The following GALNT13 variants were observed in gnomAD, a reference collection of about 807,000 sequenced individuals.
GALNT13 encodes polypeptide N-acetylgalactosaminyltransferase 13, also known as UDP-GalNAc:polypeptide N-acetylgalactosaminyltransferase 13.
In GALNT13, 28 loss-of-function variants were observed where a neutral mutation model predicts 64.2. That is an observed-to-expected ratio of 0.44 (90% CI 0.32 to 0.60). The LOEUF (loss-of-function observed/expected upper bound fraction) is 0.60. Among genes scored for constraint, GALNT13 ranks in the 20% least tolerant of loss-of-function variants. GALNT13 has a pLI of 0.05. For synonymous variants in GALNT13, 214 were observed against 224.6 expected, an observed-to-expected ratio of 0.95 and a Z score of 0.42; for missense variants, 577 against 669.8, an observed-to-expected ratio of 0.86 and a Z score of 1.53.
chr2:154,332,515 T>TA (rs925801352), intron 9 of GALNT13, among the ~76,000 whole-genome samples: 1 of 152,110 alleles, frequency 6.6e-6, no homozygotes, highest in Non-Finnish European at 1.5e-5. Flanking sequence ...AAAATGAAAT[T>TA]AAAAAAATAA....
chr2:154,229,382 C>A (rs887244354), intron 4 of GALNT13, among the ~76,000 whole-genome samples: 2 of 151,542 alleles, frequency 1.3e-5, no homozygotes, highest in African/African-American at 4.8e-5. Flanking sequence ...TTTAAAAATT[C>A]TATGGGTGAA....
chr2:153,629,682 A>G, the GALNT13 span, among the ~76,000 whole-genome samples: 1 of 152,026 alleles, frequency 6.6e-6, no homozygotes, highest in Non-Finnish European at 1.5e-5. Flanking sequence ...CTGCACAGCA[A>G]AAGAAACTAC....
chr2:153,343,399 A>G, the GALNT13 span, among the ~76,000 whole-genome samples: 1 of 152,198 alleles, frequency 6.6e-6, no homozygotes, highest in African/African-American at 2.4e-5. Flanking sequence ...GTTTTTTAAA[A>G]TCAAGAAGAG....
At chr2:153,419,169 G>A in the GALNT13 span, among the ~76,000 whole-genome samples, 22 of 152,288 alleles carry the variant, frequency 1.4e-4, no homozygotes, top group South Asian at 4.1e-3. Flanking sequence ...CAATCATGGT[G>A]GAAGAGAAAG....
chr2:154,170,563 T>A (rs1685292715), intron 4 of GALNT13, among the ~76,000 whole-genome samples: 1 of 152,152 alleles, frequency 6.6e-6, no homozygotes, highest in Admixed American at 6.6e-5. Flanking sequence ...TACATTGTTA[T>A]CCTAATATGA....
chr2:154,176,496 C>T (rs947897285), intron 4 of GALNT13, among the ~76,000 whole-genome samples: 6 of 151,944 alleles, frequency 3.9e-5, no homozygotes, highest in Non-Finnish European at 8.8e-5. Context: ...TCACGATCTG[C>T]CTGCCTTGGC....
the GALNT13 span, among the ~76,000 whole-genome samples, chr2:153,509,833 T>G: frequency 6.6e-6 from 1 of 152,156 alleles, no homozygotes; most frequent in East Asian, 1.9e-4. Context: ...GATTATAAAG[T>G]TTTTCAAGAA....
chr2:154,024,686 C>G (rs963941756), intron 3 of GALNT13, among the ~76,000 whole-genome samples: 2 of 152,180 alleles, frequency 1.3e-5, no homozygotes, highest in African/African-American at 4.8e-5. Flanking sequence ...GCCTTCTTCT[C>G]TCAGCTTGTC....
At chr2:153,783,371 A>G in the GALNT13 span, among the ~76,000 whole-genome samples, 1 of 152,026 alleles carries the variant, frequency 6.6e-6, no homozygotes, top group African/African-American at 2.4e-5. Flanking sequence ...ACAAAATAAA[A>G]GAATCATCTA....
At chr2:153,124,882 T>C in the GALNT13 span, among the ~76,000 whole-genome samples, 3 of 152,188 alleles carry the variant, frequency 2.0e-5, no homozygotes. Context: ...CAAGTTTTGC[T>C]CCTTGCTTAA....
chr2:153,986,368 C>T (rs1157638754), intron 3 of GALNT13, among the ~76,000 whole-genome samples: 1 of 151,852 alleles, frequency 6.6e-6, no homozygotes, highest in Non-Finnish European at 1.5e-5. Context: ...ATGAGATATT[C>T]CTGGGTAAGT....
chr2:153,878,507 C>A (rs1374292223), intron 1 of GALNT13, among the ~76,000 whole-genome samples: 1 of 152,192 alleles, frequency 6.6e-6, no homozygotes, highest in Non-Finnish European at 1.5e-5. Context: ...AGGAAAGATG[C>A]TAGCACTTGC....
the GALNT13 span, among the ~76,000 whole-genome samples, chr2:153,345,020 T>C: frequency 2.0e-5 from 3 of 152,188 alleles, no homozygotes; most frequent in African/African-American, 7.2e-5. Flanking sequence ...TCAATACATC[T>C]GAAAGCATCA....
chr2:153,272,582 A>G, the GALNT13 span, among the ~76,000 whole-genome samples: 27,703 of 152,190 alleles, frequency 0.18, 2,661 homozygotes, highest in Non-Finnish European at 0.21. Context: ...CACACCAGTT[A>G]GAATGGAGGT....
At chr2:153,088,554 G>A in the GALNT13 span, among the ~76,000 whole-genome samples, 1 of 152,062 alleles carries the variant, frequency 6.6e-6, no homozygotes, top group Non-Finnish European at 1.5e-5. Flanking sequence ...TGCTGTCAAT[G>A]GAGTATTAAA....
intron 3 of GALNT13, among the ~76,000 whole-genome samples, chr2:154,053,734 A>G (rs960785870): frequency 1.3e-5 from 2 of 152,182 alleles, no homozygotes; most frequent in South Asian, 2.1e-4. Context: ...TAGATTTTAA[A>G]GAAACAAAAT....
At chr2:153,797,330 T>C in the GALNT13 span, among the ~76,000 whole-genome samples, 1 of 152,208 alleles carries the variant, frequency 6.6e-6, no homozygotes, top group Non-Finnish European at 1.5e-5. Flanking sequence ...TTTCCATAAA[T>C]GGTTAGAAAG....
At chr2:153,752,539 T>C in the GALNT13 span, among the ~76,000 whole-genome samples, 1 of 152,146 alleles carries the variant, frequency 6.6e-6, no homozygotes, top group Non-Finnish European at 1.5e-5. Flanking sequence ...TCTTTTGTCC[T>C]TCAGCAGTTT....
chr2:154,423,933 G>A (rs939056102), intron 11 of GALNT13, among the ~76,000 whole-genome samples: 8 of 152,122 alleles, frequency 5.3e-5, no homozygotes, highest in Admixed American at 1.3e-4. Context: ...GAATGACACT[G>A]TACCTTTGAG....
Sources: gnomAD v4.1 joint callset for allele counts (sites outside exome capture counted in the v4.1 genomes callset) on GRCh38, gnomAD v4.1.1 for gene constraint, MANE v1.5 for transcripts, NCBI Gene and HGNC (gene_info 2026-07-23, HGNC 2026-07-21) for gene names.